GBE1: variants seen among roughly 807,000 people sequenced by gnomAD.
GBE1 encodes the protein 1,4-alpha-glucan-branching enzyme.
GBE1 carries 70 observed loss-of-function variants against 88.8 expected under a neutral mutation model. That is an observed-to-expected ratio of 0.79 (90% CI 0.65 to 0.96). The LOEUF (loss-of-function observed/expected upper bound fraction) is 0.96, where lower values mean the gene tolerates loss of function less well. GBE1 is among the 40% of genes least tolerant of loss of function. The pLI, the probability that GBE1 is intolerant of heterozygous loss-of-function variation, is 0.00. For synonymous variants in GBE1, 284 were observed against 300.1 expected (o/e 0.95, Z 0.56); for missense variants, 872 against 871.0 (o/e 1.00, Z -0.01).
At chr3:81,576,966 G>C (rs1703656645) in intron 12 of GBE1, among the ~76,000 whole-genome samples, 1 of 152,080 alleles carries the variant, frequency 6.6e-6, no homozygotes, top group Non-Finnish European at 1.5e-5. Context: ...AAAAATTAGA[G>C]ATAGGGTCTT....
intron 1 of GBE1, among the ~76,000 whole-genome samples, chr3:81,742,330 T>C (rs1163717153): frequency 6.6e-6 from 1 of 152,130 alleles, no homozygotes; most frequent in East Asian, 1.9e-4. Context: ...GTGTGAATAC[T>C]GCTGTTCAGG....
intron 12 of GBE1, among the ~76,000 whole-genome samples, chr3:81,576,173 T>C (rs1703644898): frequency 1.3e-5 from 2 of 151,952 alleles, no homozygotes; most frequent in South Asian, 4.2e-4. Context: ...TTTAACCTAA[T>C]AAACATTTTA....
At chr3:81,712,819 T>TAAAA (rs1705888593) in intron 1 of GBE1, among the ~76,000 whole-genome samples, 1 of 151,770 alleles carries the variant, frequency 6.6e-6, no homozygotes, top group African/African-American at 2.4e-5. Flanking sequence ...AATAAATAAA[T>TAAAA]AAATAAAAAA....
At chr3:81,579,885 CTCAAATGCA>C (rs1703698083) in intron 11 of GBE1, among the ~76,000 whole-genome samples, 1 of 152,152 alleles carries the variant, frequency 6.6e-6, no homozygotes, top group African/African-American at 2.4e-5. Context: ...GTCTCAGCTA[CTCAAATGCA>C]TCATTTTGGC....
At chr3:81,667,131 T>G (rs548415085) in intron 3 of GBE1, among the ~76,000 whole-genome samples, 34 of 152,338 alleles carry the variant, frequency 2.2e-4, no homozygotes, top group African/African-American at 7.7e-4. Flanking sequence ...TGAGCAGTGG[T>G]TTGTTGCTCT....
chr3:81,739,175 A>G (rs1238259924), intron 1 of GBE1, among the ~76,000 whole-genome samples: 1 of 152,144 alleles, frequency 6.6e-6, no homozygotes, highest in East Asian at 1.9e-4. Flanking sequence ...TAGGATTCCA[A>G]TATATAAATT....
At chr3:81,700,621 T>C (rs1258453466) in intron 2 of GBE1, among the ~76,000 whole-genome samples, 1 of 152,040 alleles carries the variant, frequency 6.6e-6, no homozygotes, top group East Asian at 1.9e-4. Context: ...ACATGTTGAG[T>C]AGCACGGTTT....
Position 81,670,880 on chromosome 3 carries a change from C to A in GBE1, c.387G>T (p.Lys129Asn), listed in dbSNP as rs757945104. The A allele has an allele frequency of 5.1e-6, 8 of 1,583,018 alleles. No individual in the cohort carries two copies. Among genetic ancestry groups the A allele is most frequent in the Non-Finnish European group, 6.8e-6 (8 of 1,168,178 alleles). The part of the protein sequence containing the change: ...YGKWELYIPP[K>N]QNKSVLVPHG... ...GAGGCACGAGTACAGATTTATTCTG[C>A]TTTGGTGGGATATACAGCTCCCATT... The change falls in exon 3 of 16, where the codon AAG becomes AAT. Residue 129 changes from lysine (K) to asparagine (N), a missense_variant. By Grantham distance (94) the Lys-to-Asn change is moderately conservative (BLOSUM62 0). Transcript: ENST00000429644.
chr3:81,500,242 T>C (rs1348629510), intron 14 of GBE1, among the ~76,000 whole-genome samples: 1 of 152,096 alleles, frequency 6.6e-6, no homozygotes, highest in Non-Finnish European at 1.5e-5. Context: ...AATCAGAATA[T>C]TACTGAGTTG....
intron 1 of GBE1, among the ~76,000 whole-genome samples, chr3:81,707,071 T>C (rs959170589): frequency 2.0e-5 from 3 of 151,838 alleles, no homozygotes; most frequent in African/African-American, 7.3e-5. Flanking sequence ...ATATGGAAGA[T>C]ATAAAACTGG....
chr3:81,707,399 G>A (rs182960993), intron 1 of GBE1, among the ~76,000 whole-genome samples: 10 of 151,890 alleles, frequency 6.6e-5, no homozygotes, highest in Admixed American at 5.9e-4. Context: ...TGACACTAAT[G>A]AACCATTCTA....
chr3:81,622,595 A>C (rs891008562), intron 7 of GBE1, among the ~76,000 whole-genome samples: 1 of 152,154 alleles, frequency 6.6e-6, no homozygotes, highest in African/African-American at 2.4e-5. Flanking sequence ...TTACATTTTT[A>C]AGTGCCTACT....
At chr3:81,495,500 T>C (rs910282425) in intron 15 of GBE1, among the ~76,000 whole-genome samples, 1 of 152,172 alleles carries the variant, frequency 6.6e-6, no homozygotes. Flanking sequence ...ATAAAGATGA[T>C]ATAAATTAAT....
intron 2 of GBE1, among the ~76,000 whole-genome samples, chr3:81,690,475 G>A (rs984592260): frequency 4.6e-5 from 7 of 152,130 alleles, no homozygotes; most frequent in Non-Finnish European, 1.0e-4. Context: ...AACAATACAT[G>A]TGCATTAAAT....
chr3:81,620,574 T>C (rs574277883), intron 7 of GBE1, among the ~76,000 whole-genome samples: 2 of 152,186 alleles, frequency 1.3e-5, no homozygotes, highest in Non-Finnish European at 2.9e-5. Context: ...TTAACGAGCA[T>C]TTATTTGAGC....
chr3:81,573,090 TA>T (rs200791102), intron 12 of GBE1, among the ~76,000 whole-genome samples: 28 of 150,346 alleles, frequency 1.9e-4, no homozygotes, highest in African/African-American at 6.0e-4. Context: ...AATGATTATT[TA>T]AAAAAAAATA....
In GBE1 at chr3:81,649,783, T is replaced by A; in HGVS notation, c.555+13A>T. 6.4e-7 allele frequency: 1 copy of A among 1,574,178 alleles called. No individual in the cohort carries two copies. Among genetic ancestry groups the A allele is most frequent in the Non-Finnish European group, 8.6e-7 (1 of 1,164,534 alleles). ...TTGGAACAATAATTTATTTAAAGAT[T>A]TGTTGTTCTCACCTCATATGAGTGT... On this transcript the variant is annotated intron_variant, in intron 4 of 15. Coordinates refer to ENST00000429644, the MANE Select transcript of GBE1 (RefSeq NM_000158.4).
chr3:81,714,187 A>G (rs1216945858), intron 1 of GBE1, among the ~76,000 whole-genome samples: 1 of 152,194 alleles, frequency 6.6e-6, no homozygotes, highest in Non-Finnish European at 1.5e-5. Context: ...CCTAGTACAT[A>G]CAATACTGGC....
At chr3:81,567,760 T>C (rs1426898617) in intron 12 of GBE1, among the ~76,000 whole-genome samples, 3 of 152,234 alleles carry the variant, frequency 2.0e-5, no homozygotes, top group Non-Finnish European at 4.4e-5. Context: ...TGTCACTCTT[T>C]TGACTACTTC....
Sources: allele counts gnomAD v4.1 joint callset (sites outside exome capture counted in the v4.1 genomes callset), GRCh38; gene constraint gnomAD v4.1.1; transcripts MANE v1.5; gene names NCBI Gene and HGNC (gene_info 2026-07-23, HGNC 2026-07-21).